Variants in ZFPM1 observed in about 807,000 individuals in gnomAD.
ZFPM1 encodes the protein zinc finger protein ZFPM1.
In ZFPM1, 28 loss-of-function variants were observed where a neutral mutation model predicts 46.3. The observed-to-expected ratio is 0.60, with a 90% CI of 0.45 to 0.83. The LOEUF (loss-of-function observed/expected upper bound fraction) is 0.83, where lower values mean the gene tolerates loss of function less well. Among genes scored for constraint, ZFPM1 ranks in the 40% least tolerant of loss-of-function variants. The pLI is 0.00. For missense variants in ZFPM1, 1,878 were observed against 1,432.4 expected (o/e 1.31, Z -5.02); for synonymous variants, 957 against 675.9 (o/e 1.42, Z -6.45).
intron 1 of ZFPM1, among the ~76,000 whole-genome samples, chr16:88,479,854 T>TC (rs1171462215): frequency 5.0e-4 from 6 of 12,056 alleles, no homozygotes; most frequent in Non-Finnish European, 8.4e-4. Flanking sequence ...CGTCCCTCCC[T>TC]CCCCCCCGCT....
chr16:88,485,377 G>A (rs1415719041), intron 1 of ZFPM1, among the ~76,000 whole-genome samples: 2 of 152,108 alleles, frequency 1.3e-5, no homozygotes, highest in African/African-American at 2.4e-5. Flanking sequence ...AAGGGTGGGC[G>A]GAGGCGACCC....
intron 3 of ZFPM1, among the ~76,000 whole-genome samples, chr16:88,495,555 C>G (rs1909885435): frequency 6.6e-6 from 1 of 152,234 alleles, no homozygotes; most frequent in Non-Finnish European, 1.5e-5. Flanking sequence ...CTGCCTGTGT[C>G]TGTCTGGGAG....
At chr16:88,476,240 G>A (rs1908678231) in intron 1 of ZFPM1, among the ~76,000 whole-genome samples, 1 of 152,126 alleles carries the variant, frequency 6.6e-6, no homozygotes, top group South Asian at 2.1e-4. Context: ...CCTCTGCACA[G>A]CCTCCCTGCT....
At chr16:88,461,020 CGGGAGGCCTGGTGAGGACCGAGGGGCGG>C in intron 1 of ZFPM1, among the ~76,000 whole-genome samples, 1 of 43,742 alleles carries the variant, frequency 2.3e-5, no homozygotes, top group Non-Finnish European at 4.6e-5. Context: ...AGGGGTGGGG[CGGGAGGCCTGGTGAGGACCGAGGGGCGG>C]GAGGCCCTGG....
chr16:88,476,387 G>C (rs887274078), intron 1 of ZFPM1, among the ~76,000 whole-genome samples: 31 of 152,132 alleles, frequency 2.0e-4, no homozygotes, highest in African/African-American at 5.8e-4. Context: ...CGTTCCAGAT[G>C]CTGGGGGTGC....
intron 4 of ZFPM1, chr16:88,522,156 G>A (rs1225811955): frequency 6.6e-6 from 1 of 152,580 alleles, no homozygotes; most frequent in African/African-American, 2.4e-5. Context: ...GTGTGACCCA[G>A]TGGATGAAGT....
intron 3 of ZFPM1, among the ~76,000 whole-genome samples, chr16:88,505,032 GT>G (rs1343498135): frequency 1.3e-5 from 2 of 152,256 alleles, no homozygotes; most frequent in Non-Finnish European, 2.9e-5. Context: ...AAGATGGGCT[GT>G]TGTTCTGTGT....
intron 3 of ZFPM1, among the ~76,000 whole-genome samples, chr16:88,505,515 G>A (rs1207909433): frequency 6.6e-6 from 1 of 152,210 alleles, no homozygotes; most frequent in Non-Finnish European, 1.5e-5. Context: ...CCCTCAGGAG[G>A]TGGTGAGCAC....
At position 88,532,696 on chromosome 16, in the gene ZFPM1, G is replaced by A. The variant is rs1269531660; in HGVS notation, c.1029G>A (p.Thr343=). ...ANCERHLKVH[T]DTLSGVCHSC... ...GCGAGCGGCACCTCAAGGTGCACAC[G>A]GACACGCTGAGCGGTAGGCACCGCA... The change falls in exon 8 of 10, where the codon ACG becomes ACA. Residue 343 remains threonine, a synonymous_variant. Coordinates refer to ENST00000319555, the MANE Select transcript of ZFPM1 (RefSeq NM_153813.3). 8 of 1,610,550 alleles carry A rather than the reference G, an allele frequency of 5.0e-6. No individual in the cohort carries two copies. The highest frequency in any genetic ancestry group is 2.2e-5 in the East Asian group (1 of 44,768).
chr16:88,517,229 G>GAT (rs1567548182), intron 4 of ZFPM1, among the ~76,000 whole-genome samples: 2 of 107,938 alleles, frequency 1.9e-5, no homozygotes, highest in African/African-American at 5.2e-5. Flanking sequence ...TGGATGGATG[G>GAT]GTGGGTGGGT....
rs1908396090 is a variant in ZFPM1, at chr16:88,471,065, A to G, written c.41-14874A>G. Among the ~76,000 whole-genome samples the G allele has an allele frequency of 6.6e-6, 1 of 152,052 alleles. No individual in the cohort carries two copies. The highest frequency in any genetic ancestry group is 2.4e-5 in the African/African-American group (1 of 41,392). ...TTCCCCGTGTGCCCTTGCCAACTACATACTGGGCTGCCCAGAGGCTGCCTT... is the reference window on the plus strand; with the variant it reads ...TTCCCCGTGTGCCCTTGCCAACTACGTACTGGGCTGCCCAGAGGCTGCCTT... On this transcript the variant is annotated intron_variant, in intron 1 of 9. Transcript: ENST00000319555. This position sits in a 1 kb window ranked among gnomAD's most constrained non-coding sequence, Gnocchi z 4.1.
At chr16:88,505,802 G>A (rs960209405) in intron 3 of ZFPM1, among the ~76,000 whole-genome samples, 1 of 152,174 alleles carries the variant, frequency 6.6e-6, no homozygotes, top group African/African-American at 2.4e-5. Flanking sequence ...GTGCTTGGAG[G>A]ATGGGCACAT....
intron 6 of ZFPM1, among the ~76,000 whole-genome samples, chr16:88,530,223 G>A (rs1912680815): frequency 6.6e-6 from 1 of 152,204 alleles, no homozygotes; most frequent in Admixed American, 6.5e-5. Flanking sequence ...AGTGGGGACA[G>A]CAGGCTGGTG....
chr16:88,520,008 G>A, intron 4 of ZFPM1, among the ~76,000 whole-genome samples: 1 of 151,298 alleles, frequency 6.6e-6, no homozygotes. Context: ...GTAGATAGCT[G>A]GTGGATAAGT....
At chr16:88,524,501 T>C (rs564487167) in intron 4 of ZFPM1, among the ~76,000 whole-genome samples, 1 of 152,100 alleles carries the variant, frequency 6.6e-6, no homozygotes, top group African/African-American at 2.4e-5. Flanking sequence ...AAAGCACCTT[T>C]CTCGGGGCAG....
At chr16:88,461,680 G>A (rs1176585256) in intron 1 of ZFPM1, among the ~76,000 whole-genome samples, 2 of 152,172 alleles carry the variant, frequency 1.3e-5, no homozygotes, top group Non-Finnish European at 2.9e-5. Context: ...AGGGTTGGAC[G>A]TTAAGCAGAG....
intron 2 of ZFPM1, among the ~76,000 whole-genome samples, chr16:88,488,587 G>C (rs952927219): frequency 2.6e-5 from 4 of 152,126 alleles, no homozygotes; most frequent in Admixed American, 6.5e-5. Flanking sequence ...GGGGTGGGGG[G>C]GCTTTATGGG....
At chr16:88,523,139 G>C (rs1420600722) in intron 4 of ZFPM1, among the ~76,000 whole-genome samples, 1 of 151,472 alleles carries the variant, frequency 6.6e-6, no homozygotes, top group South Asian at 2.1e-4. Flanking sequence ...CCCGGAGGTG[G>C]AGGTTGCAGT....
chr16:88,495,746 C>T (rs1039198633), intron 3 of ZFPM1, among the ~76,000 whole-genome samples: 3 of 152,082 alleles, frequency 2.0e-5, no homozygotes, highest in Non-Finnish European at 4.4e-5. Context: ...TCTATGGCCC[C>T]GGATGGAAGG....
Sources: gnomAD v4.1 joint callset for allele counts (sites outside exome capture counted in the v4.1 genomes callset) on GRCh38, gnomAD v4.1.1 for gene constraint, Gnocchi (gnomAD v3.1) non-coding constraint, MANE v1.5 for transcripts, NCBI Gene and HGNC (gene_info 2026-07-23, HGNC 2026-07-21) for gene names.